The following IGF1 variants were observed in gnomAD, a reference collection of about 807,000 sequenced individuals.
The protein encoded by IGF1 is insulin like growth factor 1.
IGF1 carries 4 observed loss-of-function variants against 13.8 expected under a neutral mutation model. The observed-to-expected ratio is 0.29, with a 90% CI of 0.14 to 0.66. The LOEUF (loss-of-function observed/expected upper bound fraction) is 0.66, where lower values mean the gene tolerates loss of function less well. Among genes scored for constraint, IGF1 ranks in the 30% least tolerant of loss-of-function variants. The pLI, the probability that IGF1 is intolerant of heterozygous loss-of-function variation, is 0.78. For missense variants in IGF1, 124 were observed against 188.5 expected, an observed-to-expected ratio of 0.66 and a Z score of 2.00; for synonymous variants, 76 against 72.6, an observed-to-expected ratio of 1.05 and a Z score of -0.23.
At chr12:102,408,364 A>T (rs1414093686) in intron 3 of IGF1, among the ~76,000 whole-genome samples, 2 of 152,186 alleles carry the variant, frequency 1.3e-5, no homozygotes, top group African/African-American at 4.8e-5. Flanking sequence ...GGAGAGTTGG[A>T]TCAGCCTTTC....
intron 2 of IGF1, among the ~76,000 whole-genome samples, chr12:102,434,243 C>T (rs1877011262): frequency 6.8e-6 from 1 of 147,904 alleles, no homozygotes; most frequent in Admixed American, 6.7e-5. Flanking sequence ...TGGTGCGCTG[C>T]ACCCACTAAC....
intron 2 of IGF1, among the ~76,000 whole-genome samples, chr12:102,445,966 C>A (rs948621655): frequency 1.3e-5 from 2 of 152,044 alleles, no homozygotes; most frequent in Non-Finnish European, 2.9e-5. Flanking sequence ...TTATTGAAGG[C>A]CTTTTCTGCA....
At chr12:102,407,069 T>G (rs1874214185) in intron 3 of IGF1, among the ~76,000 whole-genome samples, 2 of 113,794 alleles carry the variant, frequency 1.8e-5, no homozygotes, top group African/African-American at 3.4e-5. Context: ...ATTCCAGCCT[T>G]GGCGACAGAG....
At chr12:102,422,346 A>G (rs761788256) in intron 2 of IGF1, among the ~76,000 whole-genome samples, 3 of 152,310 alleles carry the variant, frequency 2.0e-5, no homozygotes, top group East Asian at 1.9e-4. Context: ...TTGTCTACTC[A>G]TAATGTCTAC....
At chr12:102,421,358 G>T (rs1875700967) in intron 2 of IGF1, among the ~76,000 whole-genome samples, 1 of 151,962 alleles carries the variant, frequency 6.6e-6, no homozygotes, top group African/African-American at 2.4e-5. Context: ...ATATTTTTTT[G>T]TTTTTTTGTT....
intron 2 of IGF1, among the ~76,000 whole-genome samples, chr12:102,472,251 A>G (rs1397632845): frequency 1.3e-5 from 2 of 152,178 alleles, no homozygotes; most frequent in African/African-American, 4.8e-5. Flanking sequence ...GAACTGTTCC[A>G]TTTATGATGG....
At chr12:102,428,043 A>G (rs944047284) in intron 2 of IGF1, among the ~76,000 whole-genome samples, 2 of 151,618 alleles carry the variant, frequency 1.3e-5, no homozygotes, top group South Asian at 2.1e-4. Context: ...ACAAGGCAAT[A>G]TGGTATATTG....
intron 1 of IGF1, among the ~76,000 whole-genome samples, chr12:102,476,413 G>GAGAGAC (rs1287647610): frequency 7.0e-6 from 1 of 142,830 alleles, no homozygotes; most frequent in African/African-American, 2.6e-5. Context: ...CTCAATATGA[G>GAGAGAC]AGAGAGAGAG....
At position 102,401,777 on chromosome 12, in the gene IGF1, G is replaced by A. The variant is rs1330023520; in HGVS notation, c.*730C>T. ...CTTTTGAGTTGAAGAAACTTTCTAT[G>A]TTTAAAACATATGCCTAAAAATGAT... On this transcript the variant is annotated 3_prime_UTR_variant, in exon 4 of 4. Transcript: ENST00000337514. 1.3e-5 allele frequency: 2 copies of A among 152,612 alleles called. No homozygotes were observed. The highest frequency in any genetic ancestry group is 6.5e-5 in the Admixed American group (1 of 15,276). 9.5% of individuals were successfully genotyped at this position (152,612 alleles called of 1,614,324 possible).
intron 3 of IGF1, among the ~76,000 whole-genome samples, chr12:102,413,303 A>G (rs1874800701): frequency 6.6e-6 from 1 of 152,216 alleles, no homozygotes; most frequent in South Asian, 2.1e-4. Flanking sequence ...GCAAAAAAGC[A>G]CTATTCTTTT....
In IGF1 at chr12:102,402,429, C is replaced by T; in HGVS notation, c.*78G>A. On this transcript the variant is annotated 3_prime_UTR_variant, in exon 4 of 4. Coordinates refer to ENST00000337514, the MANE Select transcript of IGF1 (RefSeq NM_000618.5). ...CAAACTTATTTTTTGGTAGGTGTTC[C>T]AAAGTTTAACAGGTAACTCGTGCAG... 3.9e-6 allele frequency: 3 copies of T among 779,026 alleles called. No homozygotes were observed. The highest frequency in any genetic ancestry group is 4.5e-4 in the Middle Eastern group (2 of 4,424). The allele number at this position is 779,026 out of a possible 1,614,324, so 48.3% of individuals were successfully genotyped here.
At chr12:102,408,368 G>T (rs1163016968) in intron 3 of IGF1, among the ~76,000 whole-genome samples, 2 of 152,186 alleles carry the variant, frequency 1.3e-5, no homozygotes, top group Non-Finnish European at 2.9e-5. Context: ...AGTTGGATCA[G>T]CCTTTCCTCT....
intron 2 of IGF1, among the ~76,000 whole-genome samples, chr12:102,435,622 C>A (rs946096471): frequency 6.6e-6 from 1 of 152,304 alleles, no homozygotes; most frequent in Admixed American, 6.5e-5. Context: ...GCTTATGAAT[C>A]TGGAAGTTCC....
At chr12:102,437,735 G>A (rs1330270455) in intron 2 of IGF1, among the ~76,000 whole-genome samples, 6 of 152,160 alleles carry the variant, frequency 3.9e-5, no homozygotes, top group South Asian at 4.2e-4. Context: ...TAACAATATC[G>A]TATTGTATAT....
intron 2 of IGF1, among the ~76,000 whole-genome samples, chr12:102,420,559 T>C (rs1202833400): frequency 6.6e-6 from 1 of 152,162 alleles, no homozygotes; most frequent in Non-Finnish European, 1.5e-5. Context: ...ATTGTCACTA[T>C]TGACCGTGTA....
chr12:102,444,063 G>T (rs1012728676), intron 2 of IGF1, among the ~76,000 whole-genome samples: 1 of 152,000 alleles, frequency 6.6e-6, no homozygotes, highest in African/African-American at 2.4e-5. Context: ...CTGACCTCAA[G>T]TGATCCGCCT....
At chr12:102,427,093 G>A (rs567789354) in intron 2 of IGF1, among the ~76,000 whole-genome samples, 6 of 152,262 alleles carry the variant, frequency 3.9e-5, no homozygotes, top group South Asian at 2.1e-4. Flanking sequence ...TCACCAGGCC[G>A]CTTAATCACT....
rs993267852 is a variant in IGF1, at chr12:102,402,249, T to C, written c.*258A>G. ...TAAGATATATATATATATATATTTT[T>C]TTTTTCTTTTCTATAGAACATTATT... On this transcript the variant is annotated 3_prime_UTR_variant, in exon 4 of 4. Coordinates refer to ENST00000337514, the MANE Select transcript of IGF1 (RefSeq NM_000618.5). 1.1e-5 allele frequency: 3 copies of C among 274,164 alleles called. No individual in the cohort carries two copies. The East Asian group carries it at 2.4e-4, about 22-fold the overall frequency. 17.0% of individuals were successfully genotyped at this position (274,164 alleles called of 1,614,324 possible).
chr12:102,445,984 A>T (rs1484716942), intron 2 of IGF1, among the ~76,000 whole-genome samples: 2 of 152,148 alleles, frequency 1.3e-5, no homozygotes, highest in Non-Finnish European at 2.9e-5. Flanking sequence ...GCATCTCTTG[A>T]GATAATCATG....
Sources: allele counts gnomAD v4.1 joint callset (sites outside exome capture counted in the v4.1 genomes callset), GRCh38; gene constraint gnomAD v4.1.1; transcripts MANE v1.5; gene names NCBI Gene and HGNC (gene_info 2026-07-23, HGNC 2026-07-21).